TMX2: variants seen among roughly 807,000 people sequenced by gnomAD.
TMX2 encodes thioredoxin related transmembrane protein 2.
A neutral mutation model predicts 33.4 loss-of-function variants in TMX2; 20 were observed. The observed-to-expected ratio is 0.60, with a 90% CI of 0.42 to 0.87. TMX2 has a LOEUF of 0.87. Among genes scored for constraint, TMX2 ranks in the 40% least tolerant of loss-of-function variants. The pLI is 0.00. For synonymous variants in TMX2, 166 were observed against 140.7 expected (o/e 1.18, Z -1.27); for missense variants, 340 against 370.7 (o/e 0.92, Z 0.68).
chr11:57,739,013 T>A lies in TMX2; in HGVS notation c.588T>A (p.Val196=). 6.2e-7 allele frequency: 1 copy of A among 1,614,180 alleles called. No individual in the cohort carries two copies. The highest frequency in any genetic ancestry group is 2.2e-5 in the East Asian group (1 of 44,890). ...GGCTAAATTTTGGGAAGGTGGATGT[T>A]GGACGCTATACTGATGTTAGTACGC... ...CTGLNFGKVD[V]GRYTDVSTRY... is the part of the protein sequence containing the mutation. Residue 196 remains valine (V), a synonymous_variant, in exon 6 of 8, where the codon GTT becomes GTA. Transcript: ENST00000278422.
intron 1 of TMX2, among the ~76,000 whole-genome samples, chr11:57,731,394 A>G (rs1948393363): frequency 6.7e-6 from 1 of 149,372 alleles, no homozygotes; most frequent in Non-Finnish European, 1.5e-5. Flanking sequence ...TCAGCCTCCC[A>G]AAGTGCTGGG....
chr11:57,739,300 C>T (rs367929413), intron 7 of TMX2, 40 bp downstream of exon 7: 4 of 1,610,934 alleles, frequency 2.5e-6, no homozygotes, highest in East Asian at 2.2e-5. Flanking sequence ...GGGTGCAGAA[C>T]AGTAGGTGGG....
At chr11:57,714,567 G>T (rs1946852873) in intron 1 of TMX2, among the ~76,000 whole-genome samples, 1 of 151,938 alleles carries the variant, frequency 6.6e-6, no homozygotes, top group African/African-American at 2.4e-5. Flanking sequence ...AGCTGGTAAG[G>T]CCTTAGGAAA....
Position 57,737,676 on chromosome 11 carries a change from T to TA in TMX2, c.250+9dup. Reference sequence around the variant, plus strand: ...TGAAGAACCGCAGATCCAGTAAGTTTAGTTCACTTCTCAGACTCAAGGTTA... The same window carrying TA: ...TGAAGAACCGCAGATCCAGTAAGTTTAAGTTCACTTCTCAGACTCAAGGTTA... On this transcript the variant is annotated intron_variant, in intron 2 of 7. Transcript: ENST00000278422. 1 of 1,613,582 alleles carries TA rather than the reference T, an allele frequency of 6.2e-7. No homozygotes were observed. Among genetic ancestry groups the TA allele is most frequent in the Non-Finnish European group, 8.5e-7 (1 of 1,179,458 alleles).
At chr11:57,733,177 A>G (rs921191946) in intron 1 of TMX2, among the ~76,000 whole-genome samples, 14 of 151,588 alleles carry the variant, frequency 9.2e-5, no homozygotes, top group African/African-American at 2.4e-4. Context: ...ATTTCACAGC[A>G]TAACAGTGTG....
chr11:57,730,584 A>G (rs1026409021), intron 1 of TMX2, among the ~76,000 whole-genome samples: 3 of 151,482 alleles, frequency 2.0e-5, no homozygotes, highest in African/African-American at 7.3e-5. Context: ...TAAAAATACA[A>G]AAATTAGCCA....
intron 1 of TMX2, among the ~76,000 whole-genome samples, chr11:57,716,014 T>C (rs1269313908): frequency 3.3e-5 from 5 of 152,088 alleles, no homozygotes; most frequent in Non-Finnish European, 5.9e-5. Flanking sequence ...CATCCGATTT[T>C]TCAATCTTTT....
At chr11:57,722,446 C>T (rs1350405783) in intron 1 of TMX2, among the ~76,000 whole-genome samples, 1 of 152,122 alleles carries the variant, frequency 6.6e-6, no homozygotes, top group Non-Finnish European at 1.5e-5. Flanking sequence ...TTGTTGTGTC[C>T]TGTAACTTTT....
At chr11:57,731,918 AT>A (rs1948433296) in intron 1 of TMX2, among the ~76,000 whole-genome samples, 3 of 152,334 alleles carry the variant, frequency 2.0e-5, no homozygotes, top group Non-Finnish European at 4.4e-5. Context: ...CTATGACAAA[AT>A]AACACAGGAA....
Position 57,740,283 on chromosome 11 carries a change from C to T in TMX2, c.*38C>T, listed in dbSNP as rs746951870. On this transcript the variant is annotated 3_prime_UTR_variant, in exon 8 of 8. Coordinates refer to ENST00000278422, the MANE Select transcript of TMX2 (RefSeq NM_015959.4). ...GGCAGTGCTTCCTCTCCTGTCAATT[C>T]CAGGCTCTTTCCATAACCACAAGCC... 1.3e-6 allele frequency: 2 copies of T among 1,540,528 alleles called. No individual in the cohort carries two copies. The highest frequency in any genetic ancestry group is 8.7e-7 in the Non-Finnish European group (1 of 1,148,140).
chr11:57,738,496 A>T, intron 4 of TMX2, 66 bp downstream of exon 4: 1 of 1,341,404 alleles, frequency 7.5e-7, no homozygotes. Flanking sequence ...TGTGCTCTCC[A>T]TTCACTAGGA....
rs139975496 is a variant in TMX2 at position 57,714,379 on chromosome 11, GACAA to G, written c.189+1578_189+1581del. Among the ~76,000 whole-genome samples the G allele has an allele frequency of 2.0e-5, 3 of 152,288 alleles. No individual in the cohort carries two copies. The East Asian group carries it at 5.8e-4, about 29-fold the overall frequency. ...TAAGAGAGACATTTCTATGGAACAAGACAAACAAAGCTTAATATCTGGTATAGTC... is the reference window on the plus strand; with the variant it reads ...TAAGAGAGACATTTCTATGGAACAAGACAAAGCTTAATATCTGGTATAGTC... On this transcript the variant is annotated intron_variant, in intron 1 of 7. Coordinates refer to ENST00000278422, the MANE Select transcript of TMX2 (RefSeq NM_015959.4).
Position 57,740,845 on chromosome 11 carries a change from G to C in TMX2, c.*600G>C, listed in dbSNP as rs965336861. On this transcript the variant is annotated 3_prime_UTR_variant, in exon 8 of 8. Coordinates refer to ENST00000278422, the MANE Select transcript of TMX2 (RefSeq NM_015959.4). ...TGGGGATTGAGAAGGGGTGAATAGA[G>C]GCTTGAGACTTTCCTTTGTGTGGTA... 1.3e-5 allele frequency: 2 copies of C among 152,318 alleles called. No homozygotes were observed. Among genetic ancestry groups the C allele is most frequent in the African/African-American group, 4.8e-5 (2 of 41,460 alleles). The allele number at this position is 152,318 out of a possible 1,614,324, so 9.4% of individuals were successfully genotyped here.
chr11:57,721,125 A>G lies in TMX2; in HGVS notation c.189+8318A>G, dbSNP rs1947600136. The stretch of plus-strand genomic sequence containing the variant: ...GAGACCAGCCTGGGCAATACAGTGA[A>G]ACCCCGTCTCTACTAACATACAAAA... On this transcript the variant is annotated intron_variant, in intron 1 of 7. Coordinates refer to ENST00000278422, the MANE Select transcript of TMX2 (RefSeq NM_015959.4). Among the ~76,000 whole-genome samples, 4 of 151,950 alleles carry G rather than the reference A, an allele frequency of 2.6e-5. No homozygotes were observed. In the South Asian group the frequency reaches 8.3e-4, roughly 32 times the overall value.
At chr11:57,716,467 C>G (rs1167130099) in intron 1 of TMX2, among the ~76,000 whole-genome samples, 1 of 133,150 alleles carries the variant, frequency 7.5e-6, no homozygotes. Flanking sequence ...CCCTCCCGGA[C>G]GGGGCGGCTG....
chr11:57,714,602 A>G (rs1224065951), intron 1 of TMX2, among the ~76,000 whole-genome samples: 2 of 150,140 alleles, frequency 1.3e-5, no homozygotes, highest in Non-Finnish European at 3.0e-5. Context: ...AGTTTTTTGG[A>G]TTTTTTTTTG....
chr11:57,721,341 TAA>T (rs1253137847), intron 1 of TMX2, among the ~76,000 whole-genome samples: 1 of 135,526 alleles, frequency 7.4e-6, no homozygotes, highest in Admixed American at 8.7e-5. Flanking sequence ...AATAAATAAA[TAA>T]AGTTTTTTTT....
chr11:57,735,234 T>C (rs993320692), intron 1 of TMX2, among the ~76,000 whole-genome samples: 1 of 151,788 alleles, frequency 6.6e-6, no homozygotes, highest in Non-Finnish European at 1.5e-5. Flanking sequence ...TTTGAGACGT[T>C]GTTTCACTCT....
intron 1 of TMX2, among the ~76,000 whole-genome samples, chr11:57,728,196 T>A (rs2135554160): frequency 6.6e-6 from 1 of 152,158 alleles, no homozygotes; most frequent in Middle Eastern, 3.4e-3. Flanking sequence ...GGAGTCTCGC[T>A]GTGTCGCCCA....
Sources: allele counts gnomAD v4.1 joint callset (sites outside exome capture counted in the v4.1 genomes callset), GRCh38; gene constraint gnomAD v4.1.1; transcripts MANE v1.5; gene names NCBI Gene and HGNC (gene_info 2026-07-23, HGNC 2026-07-21).